Variants in IL18R1 observed in about 807,000 individuals in gnomAD.
The protein encoded by IL18R1 is interleukin-18 receptor 1.
In IL18R1, 40 loss-of-function variants were observed where a neutral mutation model predicts 48.5. The observed-to-expected ratio is 0.82, with a 90% CI of 0.64 to 1.07. IL18R1 has a LOEUF of 1.07. Among genes scored for constraint, IL18R1 ranks in the 50% least tolerant of loss-of-function variants. The probability of loss-of-function intolerance (pLI) is 0.00; values close to 1 mark genes in which losing one functional copy is unlikely to be tolerated. For synonymous variants in IL18R1, 232 were observed against 225.9 expected, an observed-to-expected ratio of 1.03 and a Z score of -0.24; for missense variants, 596 against 633.7, an observed-to-expected ratio of 0.94 and a Z score of 0.64.
In IL18R1 at chr2:102,376,049, T is replaced by C; in HGVS notation, c.611T>C (p.Ile204Thr). The C allele has an allele frequency of 6.3e-7, 1 of 1,583,388 alleles. No individual in the cohort carries two copies. The highest frequency in any genetic ancestry group is 8.5e-7 in the Non-Finnish European group (1 of 1,170,044). Residue 204 changes from isoleucine (I) to threonine (T), a missense_variant, in exon 5 of 11, where the codon ATA (isoleucine) becomes ACA (threonine). Physicochemically the swap from Ile to Thr is moderately conservative, Grantham distance 89. This residue lies in a region of IL18R1 where 360 missense variants were observed against 339.4 expected (regional missense o/e 1.06). Transcript: ENST00000233957. ...TTTAATATCACCAAAACCTTCAATA[T>C]AACAATAGTGGAAGGTAAGGGAAAT... The part of the protein sequence containing the change: ...KLFNITKTFN[I>T]TIVEDRSNIV...
At chr2:102,383,367 G>A (rs1680027158) in intron 6 of IL18R1, among the ~76,000 whole-genome samples, 1 of 152,192 alleles carries the variant, frequency 6.6e-6, no homozygotes, top group Admixed American at 6.5e-5. Flanking sequence ...CTTGTTCCAT[G>A]TGTTGCTGAA....
chr2:102,385,486 T>C (rs1680172120), intron 7 of IL18R1, among the ~76,000 whole-genome samples: 1 of 152,246 alleles, frequency 6.6e-6, no homozygotes, highest in Non-Finnish European at 1.5e-5. Flanking sequence ...TCTAAACATA[T>C]AGTCACCTAA....
Position 102,368,054 on chromosome 2 carries a change from C to T in IL18R1, c.288C>T (p.Tyr96=). The T allele has an allele frequency of 6.2e-7, 1 of 1,614,146 alleles. No individual in the cohort carries two copies. Among genetic ancestry groups the T allele is most frequent in the Non-Finnish European group, 8.5e-7 (1 of 1,180,002 alleles). The change falls in exon 3 of 11, where the codon TAC becomes TAT. Residue 96 remains tyrosine (Y), a synonymous_variant. Coordinates refer to ENST00000233957, the MANE Select transcript of IL18R1 (RefSeq NM_003855.5). ...TTGAGTTGAATGACACAGGATCTTACTTTTTCCAAATGAAGTGAGTAACCC... is the reference window on the plus strand; with the variant it reads ...TTGAGTTGAATGACACAGGATCTTATTTTTTCCAAATGAAGTGAGTAACCC... ...WPVELNDTGS[Y]FFQMKNYTQK... is the part of the protein sequence containing the mutation.
At chr2:102,360,520 C>T (rs573960705) in intron 1 of IL18R1, among the ~76,000 whole-genome samples, 1 of 152,200 alleles carries the variant, frequency 6.6e-6, no homozygotes, top group African/African-American at 2.4e-5. Flanking sequence ...ATCTCGGCCT[C>T]CCAAAGTGCT....
intron 6 of IL18R1, 102 bp from the exon 7 acceptor site, chr2:102,384,776 C>G: frequency 7.7e-7 from 1 of 1,290,358 alleles, no homozygotes; most frequent in Non-Finnish European, 1.1e-6. Flanking sequence ...GGATGGAGCA[C>G]CACGTTTTGC....
chr2:102,371,007 T>A (rs1679218519), intron 3 of IL18R1, among the ~76,000 whole-genome samples: 1 of 151,484 alleles, frequency 6.6e-6, no homozygotes, highest in Non-Finnish European at 1.5e-5. Context: ...AATCTTCATT[T>A]AAAAAATACT....
chr2:102,373,417 A>T (rs1679383142), intron 4 of IL18R1, among the ~76,000 whole-genome samples: 1 of 151,960 alleles, frequency 6.6e-6, no homozygotes, highest in South Asian at 2.1e-4. Context: ...CAATGAGAAC[A>T]CATGGACACA....
chr2:102,369,196 C>A (rs113139235), intron 3 of IL18R1, among the ~76,000 whole-genome samples: 1 of 151,806 alleles, frequency 6.6e-6, no homozygotes, highest in South Asian at 2.1e-4. Flanking sequence ...GCCCCCCCCA[C>A]CACAAACTTC....
Position 102,362,725 on chromosome 2 carries a change from G to GATTATACATAC in IL18R1, c.58+8_58+18dup, listed in dbSNP as rs1252200896. The GATTATACATAC allele has an allele frequency of 6.6e-7, 1 of 1,526,350 alleles. No individual in the cohort carries two copies. The highest frequency in any genetic ancestry group is 9.0e-7 in the Non-Finnish European group (1 of 1,111,000). 94.6% of individuals were successfully genotyped at this position (1,526,350 alleles called of 1,614,324 possible). A position where few individuals can be genotyped will look rare whatever the true frequency, so the allele number is the denominator to read the frequency against. The stretch of plus-strand genomic sequence containing the variant: ...ATATCTGTAAGCACTGCAGGTAAGT[G>GATTATACATAC]ATTATACATACTCTCAAACATATTT... On this transcript the variant is annotated splice_region_variant and intron_variant, in intron 2 of 10. Coordinates refer to ENST00000233957, the MANE Select transcript of IL18R1 (RefSeq NM_003855.5).
Position 102,379,684 on chromosome 2 carries a change from A to AG in IL18R1, c.626-1936_626-1935insG, listed in dbSNP as rs1415399248. On this transcript the variant is annotated intron_variant, in intron 5 of 10. Transcript: ENST00000233957. ...TCCTGGGTAGAGGGCAGAGGGTCTT[A>AG]AGACTTACTGTCAGACCAAAGAAGG... Among the ~76,000 whole-genome samples, 10 of 152,328 alleles carry AG rather than the reference A, an allele frequency of 6.6e-5. No homozygotes were observed. In the East Asian group the frequency reaches 1.9e-3, roughly 29 times the overall value.
chr2:102,361,497 G>C (rs1321581086), intron 1 of IL18R1, among the ~76,000 whole-genome samples: 1 of 152,162 alleles, frequency 6.6e-6, no homozygotes, highest in African/African-American at 2.4e-5. Context: ...GGTGAGAGGG[G>C]CATTATTCTG....
Position 102,374,554 on chromosome 2 carries a change from G to A in IL18R1, c.469-1353G>A, listed in dbSNP as rs11465612. Among the ~76,000 whole-genome samples the A allele has an allele frequency of 4.5e-3, 684 of 152,150 alleles. 5 individuals are homozygous for A. The highest frequency in any genetic ancestry group is 0.016 in the African/African-American group (654 of 41,498). On this transcript the variant is annotated intron_variant, in intron 4 of 10. Coordinates refer to ENST00000233957, the MANE Select transcript of IL18R1 (RefSeq NM_003855.5). The stretch of plus-strand genomic sequence containing the variant: ...AGCACTTTGTGAGGCTGAGGTGGGC[G>A]GATTATTAGGTCAGGTGATCGAGAC...
chr2:102,391,814 C>G (rs1362145057), intron 9 of IL18R1, among the ~76,000 whole-genome samples: 1 of 152,172 alleles, frequency 6.6e-6, no homozygotes, highest in Non-Finnish European at 1.5e-5. Flanking sequence ...TGCAAGAGAA[C>G]CAGCAACTTT....
rs563801286 is a variant in IL18R1, at chr2:102,388,877, G to A, written c.950-1179G>A. Among the ~76,000 whole-genome samples, 16 of 152,228 alleles carry A rather than the reference G, an allele frequency of 1.1e-4. No homozygotes were observed. The South Asian group carries it at 3.3e-3, about 32-fold the overall frequency. ...TATGGAAAGATAATTTTTAAAAATTGCACCAAGATGGCAAAAGTTTTAAGC... is the reference window on the plus strand; with the variant it reads ...TATGGAAAGATAATTTTTAAAAATTACACCAAGATGGCAAAAGTTTTAAGC... On this transcript the variant is annotated intron_variant, in intron 8 of 10. Transcript: ENST00000233957.
chr2:102,356,388 C>G lies in IL18R1; in HGVS notation c.-41C>G, dbSNP rs1678252719. The stretch of plus-strand genomic sequence containing the variant: ...GCCGCCCCCGCCCCAGCCTCGGGGA[C>G]GCCTCTCTGAAGGTAAGGGTGGGCT... On this transcript the variant is annotated 5_prime_UTR_variant, in exon 1 of 11. Transcript: ENST00000233957. 2 of 984,332 alleles carry G rather than the reference C, an allele frequency of 2.0e-6. No homozygotes were observed. The highest frequency in any genetic ancestry group is 2.4e-6 in the Non-Finnish European group (2 of 829,096). The allele number at this position is 984,332 out of a possible 1,614,324, so 61.0% of individuals were successfully genotyped here.
intron 5 of IL18R1, 52 bp downstream of exon 5, chr2:102,376,115 A>C (rs779621024): frequency 6.9e-7 from 1 of 1,442,028 alleles, no homozygotes; most frequent in Non-Finnish European, 9.3e-7. Flanking sequence ...AGTAAAATGG[A>C]ATTTTTTCAT....
Position 102,394,601 on chromosome 2 carries a change from T to C in IL18R1, c.1244T>C (p.Phe415Ser), listed in dbSNP as rs1244288562. Residue 415 changes from phenylalanine to serine, a missense_variant, in exon 10 of 11, where the codon TTT (phenylalanine) becomes TCT (serine). Phe to Ser is a radical substitution (Grantham distance 155). This residue lies in a region of IL18R1 where 179 missense variants were observed against 206.1 expected (regional missense o/e 0.87). Transcript: ENST00000233957. ...EKHFGYKLCI[F>S]ERDVVPGGAV... ...CATTTTGGGTATAAGTTATGCATAT[T>C]TGAAAGGGATGTAGTGCCTGGAGGA... 2.5e-6 allele frequency: 4 copies of C among 1,611,570 alleles called. No individual in the cohort carries two copies. Among genetic ancestry groups the C allele is most frequent in the Non-Finnish European group, 3.4e-6 (4 of 1,178,334 alleles).
intron 3 of IL18R1, among the ~76,000 whole-genome samples, chr2:102,369,262 CT>C (rs1260492841): frequency 6.6e-6 from 1 of 152,156 alleles, no homozygotes; most frequent in Non-Finnish European, 1.5e-5. Context: ...CTGGACAGGC[CT>C]GAGAGAGCAC....
At chr2:102,389,788 T>C (rs1680454396) in intron 8 of IL18R1, among the ~76,000 whole-genome samples, 1 of 152,224 alleles carries the variant, frequency 6.6e-6, no homozygotes, top group Non-Finnish European at 1.5e-5. Flanking sequence ...TTTCCACGGG[T>C]ACGGATAGAA....
Sources: allele counts gnomAD v4.1 joint callset (sites outside exome capture counted in the v4.1 genomes callset), GRCh38; gene constraint gnomAD v4.1.1; regional missense constraint gnomAD v4.1.1; transcripts MANE v1.5; gene names NCBI Gene and HGNC (gene_info 2026-07-23, HGNC 2026-07-21).